PDE3A: variants seen among roughly 807,000 people sequenced by gnomAD.
PDE3A encodes the protein cGMP-inhibited 3',5'-cyclic phosphodiesterase 3A.
In PDE3A, 43 loss-of-function variants were observed where a neutral mutation model predicts 98.3. That is an observed-to-expected ratio of 0.44 (90% CI 0.34 to 0.56). PDE3A has a LOEUF of 0.56. Among genes scored for constraint, PDE3A ranks in the 20% least tolerant of loss-of-function variants. The pLI is 0.01. For synonymous variants in PDE3A, 663 were observed against 567.9 expected (o/e 1.17, Z -2.38); for missense variants, 1,427 against 1,440.7 (o/e 0.99, Z 0.15).
In PDE3A at chr12:20,543,926, A is replaced by G. The variant is rs534132070; in HGVS notation, c.961-12734A>G. Reference sequence around the variant, plus strand: ...TGCTATTATTAGCTAAGTCATGGAGACATGAAACTGAGGCACAAAGACATT... The same window carrying G: ...TGCTATTATTAGCTAAGTCATGGAGGCATGAAACTGAGGCACAAAGACATT... On this transcript the variant is annotated intron_variant, in intron 1 of 15. Transcript: ENST00000359062. Among the ~76,000 whole-genome samples the G allele has an allele frequency of 3.9e-5, 6 of 152,024 alleles. No homozygotes were observed. In the South Asian group the frequency reaches 1.2e-3, roughly 32 times the overall value.
At chr12:20,642,002 CTT>C (rs1451123012) in intron 10 of PDE3A, among the ~76,000 whole-genome samples, 1 of 152,056 alleles carries the variant, frequency 6.6e-6, no homozygotes, top group African/African-American at 2.4e-5. Flanking sequence ...AAAATCTTCA[CTT>C]ATCATTAGTT....
In PDE3A at chr12:20,688,392, AT is replaced by A; in HGVS notation, c.*8127del. ...TAGATCAATTGTATTTATTTTTATT[AT>A]TTTTTAGCTTAGATACTATGTTGAT... On this transcript the variant is annotated 3_prime_UTR_variant, in exon 16 of 16. Coordinates refer to ENST00000359062, the MANE Select transcript of PDE3A (RefSeq NM_000921.5). 6.6e-6 allele frequency among the ~76,000 whole-genome samples: 1 copy of A among 151,656 alleles called. No individual in the cohort carries two copies. Among genetic ancestry groups the A allele is most frequent in the Non-Finnish European group, 1.5e-5 (1 of 67,886 alleles).
At chr12:20,591,571 C>G (rs1487411155) in intron 2 of PDE3A, among the ~76,000 whole-genome samples, 1 of 152,204 alleles carries the variant, frequency 6.6e-6, no homozygotes, top group East Asian at 1.9e-4. Context: ...GGCAAATTGC[C>G]AAAATATGTG....
intron 2 of PDE3A, among the ~76,000 whole-genome samples, chr12:20,608,318 A>G (rs1258482584): frequency 6.6e-6 from 1 of 152,202 alleles, no homozygotes; most frequent in East Asian, 1.9e-4. Flanking sequence ...TGACTGTAAC[A>G]TAATTTTATT....
intron 1 of PDE3A, among the ~76,000 whole-genome samples, chr12:20,499,952 AC>A (rs1169106595): frequency 4.6e-5 from 7 of 152,162 alleles, no homozygotes; most frequent in African/African-American, 1.7e-4. Context: ...GCTGAGTTTA[AC>A]AAGATTAAAT....
chr12:20,669,354 C>T (rs1181392675), intron 15 of PDE3A, among the ~76,000 whole-genome samples: 1 of 151,946 alleles, frequency 6.6e-6, no homozygotes, highest in African/African-American at 2.4e-5. Flanking sequence ...GAGAACACCA[C>T]AAAGATACTC....
intron 1 of PDE3A, among the ~76,000 whole-genome samples, chr12:20,443,459 A>ATG (rs1281643920): frequency 6.6e-6 from 1 of 152,176 alleles, no homozygotes; most frequent in Non-Finnish European, 1.5e-5. Flanking sequence ...AGAATGAATG[A>ATG]TGACTGTCAG....
At chr12:20,651,366 T>C (rs928288443) in intron 14 of PDE3A, among the ~76,000 whole-genome samples, 1 of 152,040 alleles carries the variant, frequency 6.6e-6, no homozygotes, top group Non-Finnish European at 1.5e-5. Flanking sequence ...CAGAAAAGCA[T>C]GTGGAAAAAA....
chr12:20,539,025 A>G (rs879826076), intron 1 of PDE3A, among the ~76,000 whole-genome samples: 2 of 152,034 alleles, frequency 1.3e-5, no homozygotes, highest in Non-Finnish European at 2.9e-5. Context: ...ACACGTGCCA[A>G]TTATATTCCA....
intron 15 of PDE3A, among the ~76,000 whole-genome samples, chr12:20,660,459 A>G (rs1945140369): frequency 6.6e-6 from 1 of 152,082 alleles, no homozygotes; most frequent in Admixed American, 6.6e-5. Flanking sequence ...AGAAGAAGAC[A>G]GGAAAATGAC....
At chr12:20,475,169 ATGTGTGTGAG>A (rs1179677020) in intron 1 of PDE3A, among the ~76,000 whole-genome samples, 1,251 of 96,486 alleles carry the variant, frequency 0.013, 12 homozygotes, top group Admixed American at 0.026. Flanking sequence ...AGAGGAAAAA[ATGTGTGTGAG>A]TGTGTGTGTG....
intron 1 of PDE3A, among the ~76,000 whole-genome samples, chr12:20,435,535 T>C (rs1944766168): frequency 6.6e-6 from 1 of 152,036 alleles, no homozygotes; most frequent in Admixed American, 6.6e-5. Context: ...GGTAGGAAGA[T>C]TGGTGATAGG....
intron 2 of PDE3A, among the ~76,000 whole-genome samples, chr12:20,612,907 A>C (rs1171092754): frequency 6.6e-6 from 1 of 151,838 alleles, no homozygotes; most frequent in African/African-American, 2.4e-5. Flanking sequence ...ACAGGAAGAG[A>C]GACAGATTGT....
chr12:20,436,871 A>G (rs1944787015), intron 1 of PDE3A, among the ~76,000 whole-genome samples: 1 of 152,220 alleles, frequency 6.6e-6, no homozygotes. Flanking sequence ...ACTTCCAGTC[A>G]TGGCAAGGTT....
At chr12:20,637,488 T>C (rs113805292) in intron 9 of PDE3A, among the ~76,000 whole-genome samples, 1 of 152,126 alleles carries the variant, frequency 6.6e-6, no homozygotes, top group Non-Finnish European at 1.5e-5. Context: ...GATAGAGATA[T>C]ATAGACAAGG....
At chr12:20,484,453 T>C (rs796846004) in intron 1 of PDE3A, among the ~76,000 whole-genome samples, 12 of 152,300 alleles carry the variant, frequency 7.9e-5, no homozygotes, top group African/African-American at 2.6e-4. Flanking sequence ...TCTCATCATA[T>C]TGGGTAAGGG....
At chr12:20,410,762 T>A (rs1944318400) in intron 1 of PDE3A, among the ~76,000 whole-genome samples, 1 of 152,124 alleles carries the variant, frequency 6.6e-6, no homozygotes. Flanking sequence ...GTGAAAAAAA[T>A]ACTTTAATAT....
chr12:20,412,058 T>G (rs563642505), intron 1 of PDE3A, among the ~76,000 whole-genome samples: 1 of 152,314 alleles, frequency 6.6e-6, no homozygotes, highest in East Asian at 1.9e-4. Flanking sequence ...GCTTATCTTT[T>G]TCATTAAAAC....
At chr12:20,386,114 T>TATAA (rs1565532549) in intron 1 of PDE3A, among the ~76,000 whole-genome samples, 794 of 53,628 alleles carry the variant, frequency 0.015, 59 homozygotes, top group Non-Finnish European at 0.021. Flanking sequence ...TATATATAAA[T>TATAA]ATATATAAAT....
Sources: gnomAD v4.1 joint callset for allele counts (sites outside exome capture counted in the v4.1 genomes callset) on GRCh38, gnomAD v4.1.1 for gene constraint, MANE v1.5 for transcripts, NCBI Gene and HGNC (gene_info 2026-07-23, HGNC 2026-07-21) for gene names.